TBXAS1: variants seen among roughly 807,000 people sequenced by gnomAD.
TBXAS1 encodes the protein thromboxane-A synthase.
In TBXAS1, 48 loss-of-function variants were observed where a neutral mutation model predicts 60.7. The observed-to-expected ratio is 0.79, with a 90% CI of 0.63 to 1.01. The LOEUF (loss-of-function observed/expected upper bound fraction) is 1.01, where lower values mean the gene tolerates loss of function less well. TBXAS1 is among the 50% of genes least tolerant of loss of function. TBXAS1 has a pLI of 0.00. For missense variants in TBXAS1, 685 were observed against 686.3 expected, an observed-to-expected ratio of 1.00 and a Z score of 0.02; for synonymous variants, 287 against 269.7, an observed-to-expected ratio of 1.06 and a Z score of -0.63.
Position 140,020,030 on chromosome 7 carries a change from GCTGC to G in TBXAS1, c.1534_1537del (p.Leu512SerfsTer2). On this transcript the variant is annotated frameshift_variant, in exon 13 of 13. Transcript: ENST00000448866. LOFTEE classifies it high-confidence loss of function. ...TTTAATTTTCTCTATTTTAGGTACCGCTGCAGCTAGAATCCAAATCTGCCCTAGG... is the reference window on the plus strand; with the variant it reads ...TTTAATTTTCTCTATTTTAGGTACCGAGCTAGAATCCAAATCTGCCCTAGG... 6.2e-7 allele frequency: 1 copy of G among 1,613,442 alleles called. No individual in the cohort carries two copies.
intron 4 of TBXAS1, among the ~76,000 whole-genome samples, chr7:139,933,706 C>T (rs1464530733): frequency 1.3e-5 from 2 of 152,122 alleles, no homozygotes; most frequent in African/African-American, 4.8e-5. Flanking sequence ...TTATAATTTT[C>T]CTCTAAATAG....
chr7:139,950,639 C>T (rs1169378338), intron 5 of TBXAS1, among the ~76,000 whole-genome samples: 1 of 152,068 alleles, frequency 6.6e-6, no homozygotes, highest in African/African-American at 2.4e-5. Flanking sequence ...GGAGCCATTG[C>T]AGCTTTGATC....
At position 140,003,080 on chromosome 7, in the gene TBXAS1, G is replaced by C. The variant is rs530130614; in HGVS notation, c.1135-4011G>C. On this transcript the variant is annotated intron_variant, in intron 9 of 12. Coordinates refer to ENST00000448866, the MANE Select transcript of TBXAS1 (RefSeq NM_001061.7). ...CAGAGGTTGCAGTGAGCCGAGACCG[G>C]GCCATTGTACTCCAGCCTGGGCAAC... Among the ~76,000 whole-genome samples the C allele has an allele frequency of 2.7e-5, 4 of 149,288 alleles. No homozygotes were observed. In the East Asian group the frequency reaches 8.0e-4, roughly 30 times the overall value.
At chr7:139,809,245 A>AGAT (rs747883165) in intron 4 of TBXAS1, among the ~76,000 whole-genome samples, 530 of 51,406 alleles carry the variant, frequency 0.01, 3 homozygotes, top group Middle Eastern at 0.041. Context: ...ATAGATAGAT[A>AGAT]GATAGATAGA....
intron 1 of TBXAS1, among the ~76,000 whole-genome samples, chr7:139,830,581 A>T (rs1339911930): frequency 6.7e-6 from 1 of 150,060 alleles, no homozygotes; most frequent in Non-Finnish European, 1.5e-5. Flanking sequence ...CTTACCTTGG[A>T]TTGAAACTGG....
intron 9 of TBXAS1, among the ~76,000 whole-genome samples, chr7:139,979,422 C>G (rs1220636044): frequency 6.6e-6 from 1 of 151,804 alleles, no homozygotes; most frequent in Admixed American, 6.6e-5. Flanking sequence ...GATCAAACAA[C>G]AGAAAAATAA....
At chr7:139,936,357 C>A in intron 5 of TBXAS1, 50 bp downstream of exon 5, 3 of 1,577,400 alleles carry the variant, frequency 1.9e-6, no homozygotes, top group Non-Finnish European at 2.6e-6. Flanking sequence ...CAGGTTTCTT[C>A]TCTCCAAATC....
chr7:139,975,355 C>T lies in TBXAS1; in HGVS notation c.1134+13122C>T, dbSNP rs1384782704. Among the ~76,000 whole-genome samples, 2 of 152,148 alleles carry T rather than the reference C, an allele frequency of 1.3e-5. No homozygotes were observed. Among genetic ancestry groups the T allele is most frequent in the Non-Finnish European group, 2.9e-5 (2 of 68,018 alleles). Reference sequence around the variant, plus strand: ...TAATACCCTAGGACAGGGCCTAGGTCGGATTGGCACTCACGTTTCCCGACT... The same window carrying T: ...TAATACCCTAGGACAGGGCCTAGGTTGGATTGGCACTCACGTTTCCCGACT... On this transcript the variant is annotated intron_variant, in intron 9 of 12. Transcript: ENST00000448866. The surrounding 1 kb of genome is among the most constrained non-coding windows in gnomAD (Gnocchi z 4.4).
At chr7:139,819,645 G>A (rs1267818068) in intron 4 of TBXAS1, among the ~76,000 whole-genome samples, 1 of 152,110 alleles carries the variant, frequency 6.6e-6, no homozygotes, top group Non-Finnish European at 1.5e-5. Context: ...TGGGATTACA[G>A]GTGCACGCCA....
rs186403939 is a variant in TBXAS1 at position 139,809,115 on chromosome 7, T to G, written c.-79-20197T>G. ...TTAATCACTTTGGCAAAGTGTTGTA[T>G]TAGAGTTCTCCAGAGAGACAGGACC... On this transcript the variant is annotated intron_variant, in intron 4 of 16. Transcript: ENST00000336425. 2.0e-5 allele frequency among the ~76,000 whole-genome samples: 3 copies of G among 152,144 alleles called. No homozygotes were observed. The East Asian group carries it at 5.8e-4, about 29-fold the overall frequency.
intron 3 of TBXAS1, among the ~76,000 whole-genome samples, chr7:139,891,914 G>A (rs1803650759): frequency 1.3e-5 from 2 of 152,252 alleles, no homozygotes; most frequent in South Asian, 4.1e-4. Flanking sequence ...ATAGAGGGTT[G>A]GATAAGGGGA....
chr7:139,875,377 C>T (rs1802149846), intron 2 of TBXAS1, among the ~76,000 whole-genome samples: 1 of 152,196 alleles, frequency 6.6e-6, no homozygotes, highest in Non-Finnish European at 1.5e-5. Flanking sequence ...CTGGTGATCT[C>T]TCCTGTCCAA....
intron 1 of TBXAS1, among the ~76,000 whole-genome samples, chr7:139,839,277 A>G (rs926443588): frequency 1.3e-5 from 2 of 152,208 alleles, no homozygotes; most frequent in Non-Finnish European, 2.9e-5. Flanking sequence ...TTTACTAAAA[A>G]GAGTGGGAAA....
At chr7:139,952,414 C>A in intron 5 of TBXAS1, 2 of 1,124,454 alleles carry the variant, frequency 1.8e-6, no homozygotes, top group East Asian at 2.7e-5. Context: ...GTGTGAAAAT[C>A]ATCAAATCTA....
rs74756695 is a variant in TBXAS1 at position 139,909,916 on chromosome 7, C to T, written c.237-1309C>T. Among the ~76,000 whole-genome samples, 1,505 of 152,276 alleles carry T rather than the reference C, an allele frequency of 9.9e-3. 15 individuals carry two copies. Among genetic ancestry groups the T allele is most frequent in the South Asian group, 0.028 (133 of 4,816 alleles). ...TGCACAGTTGGTAGTCCGGCACTCA[C>T]GGTTCCCCCAAGCAGGCTTGTCCCT... On this transcript the variant is annotated intron_variant, in intron 3 of 12. Transcript: ENST00000448866.
chr7:139,948,734 C>T (rs1808957739), intron 5 of TBXAS1, among the ~76,000 whole-genome samples: 1 of 152,100 alleles, frequency 6.6e-6, no homozygotes, highest in Non-Finnish European at 1.5e-5. Flanking sequence ...GCCACGTTTG[C>T]CTGCTTGTTC....
Position 140,012,458 on chromosome 7 carries a change from A to G in TBXAS1, c.1227-3265A>G, listed in dbSNP as rs373407051. The stretch of plus-strand genomic sequence containing the variant: ...TTAAAATCCCAAATCACCTGTAACC[A>G]GAACTTTTTTTTTTTTTTTTTTGAG... On this transcript the variant is annotated intron_variant, in intron 10 of 12. Coordinates refer to ENST00000448866, the MANE Select transcript of TBXAS1 (RefSeq NM_001061.7). 4.0e-5 allele frequency among the ~76,000 whole-genome samples: 6 copies of G among 150,964 alleles called. No homozygotes were observed. The East Asian group carries it at 7.8e-4, about 20-fold the overall frequency.
In TBXAS1 at chr7:140,010,703, A is replaced by G. The variant is rs1460110955; in HGVS notation, c.1226+3521A>G. Among the ~76,000 whole-genome samples the G allele has an allele frequency of 3.9e-5, 6 of 152,034 alleles. No individual in the cohort carries two copies. The East Asian group carries it at 1.2e-3, about 29-fold the overall frequency. ...AATTGCATTAGCAGCTTAGCATCTC[A>G]ATGGGTTCTCCACGCCCTGGCCTTT... On this transcript the variant is annotated intron_variant, in intron 10 of 12. Coordinates refer to ENST00000448866, the MANE Select transcript of TBXAS1 (RefSeq NM_001061.7).
At chr7:139,829,250 C>CATT (rs1444451115), upstream of TBXAS1, 3 of 749,402 alleles carry the variant, frequency 4.0e-6, no homozygotes, top group Non-Finnish European at 7.1e-6. Flanking sequence ...AGAAAGAGCA[C>CATT]ATTGTGGGGG....
Sources: gnomAD v4.1 joint callset for allele counts (sites outside exome capture counted in the v4.1 genomes callset) on GRCh38, gnomAD v4.1.1 for gene constraint, Gnocchi (gnomAD v3.1) non-coding constraint, MANE v1.5 for transcripts, NCBI Gene and HGNC (gene_info 2026-07-23, HGNC 2026-07-21) for gene names.